Variants in ARHGEF3 observed in about 807,000 individuals in gnomAD.
ARHGEF3 encodes the protein Rho guanine nucleotide exchange factor 3, also known as 59.8 kDA protein.
Under a neutral mutation model 63.2 loss-of-function variants are expected in ARHGEF3, and 28 were observed. That is an observed-to-expected ratio of 0.44 (90% confidence interval 0.33 to 0.61). The LOEUF is 0.61. Ranked by LOEUF, ARHGEF3 falls within the 20% of genes least tolerant of loss-of-function variation. ARHGEF3 has a pLI of 0.03. For missense variants in ARHGEF3, 533 were observed against 659.3 expected, an observed-to-expected ratio of 0.81 and a Z score of 2.10; for synonymous variants, 266 against 254.2, an observed-to-expected ratio of 1.05 and a Z score of -0.44.
At chr3:56,993,243 C>T (rs1166541169) in intron 2 of ARHGEF3, among the ~76,000 whole-genome samples, 1 of 152,238 alleles carries the variant, frequency 6.6e-6, no homozygotes, top group African/African-American at 2.4e-5. Flanking sequence ...TAAATCAACT[C>T]CTAGTTCAAG....
intron 3 of ARHGEF3, among the ~76,000 whole-genome samples, chr3:56,927,184 T>C (rs757120693): frequency 3.3e-5 from 5 of 152,168 alleles, no homozygotes; most frequent in Non-Finnish European, 4.4e-5. Flanking sequence ...ATGGGAACAG[T>C]AAGAGGACCC....
intron 2 of ARHGEF3, among the ~76,000 whole-genome samples, chr3:56,967,866 A>AT (rs1297703482): frequency 4.1e-5 from 3 of 72,676 alleles, no homozygotes; most frequent in East Asian, 4.5e-4. Flanking sequence ...ATAATGACAT[A>AT]TATAATATAT....
chr3:56,968,756 TA>T (rs1700778988), intron 2 of ARHGEF3, among the ~76,000 whole-genome samples: 2 of 152,206 alleles, frequency 1.3e-5, no homozygotes, highest in South Asian at 4.1e-4. Context: ...AGAGATACTT[TA>T]TTTTTTTTCA....
chr3:57,056,183 C>T (rs1050617307), intron 1 of ARHGEF3, among the ~76,000 whole-genome samples: 5 of 151,766 alleles, frequency 3.3e-5, no homozygotes, highest in African/African-American at 9.7e-5. Flanking sequence ...ATCAGAAGAT[C>T]GAGACCATCC....
At chr3:56,979,968 C>A (rs1701263738) in intron 2 of ARHGEF3, among the ~76,000 whole-genome samples, 1 of 152,192 alleles carries the variant, frequency 6.6e-6, no homozygotes, top group South Asian at 2.1e-4. Context: ...TGCGTGGGTT[C>A]TGATCACACA....
intron 1 of ARHGEF3, among the ~76,000 whole-genome samples, chr3:56,789,820 C>CT (rs1477733886): frequency 1.3e-5 from 2 of 152,084 alleles, no homozygotes; most frequent in African/African-American, 4.8e-5. Context: ...CAGAAACTAA[C>CT]TTTAAAAAAT....
rs553025900 is a variant in ARHGEF3 at position 56,918,092 on chromosome 3, C to T, written c.130-35738G>A. Among the ~76,000 whole-genome samples the T allele has an allele frequency of 3.8e-3, 571 of 152,232 alleles. 2 individuals are homozygous for T. The highest frequency in any genetic ancestry group is 0.012 in the African/African-American group (509 of 41,522). On this transcript the variant is annotated intron_variant, in intron 3 of 12. Coordinates refer to the ARHGEF3 transcript ENST00000338458. The stretch of plus-strand genomic sequence containing the variant: ...GGGGTAAGGGCAGGTATTCCTAAGG[C>T]GTCTTGTTCCAGCCTCCTACACAGG...
intron 1 of ARHGEF3, chr3:56,775,208 T>C (rs901991740): frequency 6.2e-6 from 9 of 1,450,768 alleles, no homozygotes; most frequent in African/African-American, 1.4e-5. Flanking sequence ...CTCCAGGATA[T>C]TTCTGCATCC....
chr3:56,901,850 T>G (rs558315882), intron 3 of ARHGEF3, among the ~76,000 whole-genome samples: 4 of 152,312 alleles, frequency 2.6e-5, no homozygotes, highest in African/African-American at 7.2e-5. Context: ...TATGTGTATT[T>G]CTGCTTAACG....
At chr3:56,911,528 G>A (rs1171873001) in intron 3 of ARHGEF3, among the ~76,000 whole-genome samples, 2 of 151,968 alleles carry the variant, frequency 1.3e-5, no homozygotes, top group African/African-American at 4.8e-5. Flanking sequence ...GTGAACAGCT[G>A]GGGTCACCAC....
intron 4 of ARHGEF3, among the ~76,000 whole-genome samples, chr3:56,877,158 AT>A (rs1221289027): frequency 2.0e-5 from 3 of 152,170 alleles, no homozygotes; most frequent in Non-Finnish European, 4.4e-5. Flanking sequence ...TTACACAAAC[AT>A]GTTCCTGGAT....
intron 2 of ARHGEF3, among the ~76,000 whole-genome samples, chr3:57,027,788 G>C (rs879505965): frequency 6.6e-6 from 1 of 152,126 alleles, no homozygotes; most frequent in Non-Finnish European, 1.5e-5. Flanking sequence ...GAACCTGGGA[G>C]GTGGAGGTTG....
intron 1 of ARHGEF3, among the ~76,000 whole-genome samples, chr3:57,069,737 G>T (rs9311640): frequency 0.87 from 132,568 of 152,186 alleles, 57,789 homozygotes; most frequent in East Asian, 0.96. Context: ...GTCAAACAAC[G>T]GGGCTCAAGC....
intron 7 of ARHGEF3, among the ~76,000 whole-genome samples, chr3:56,741,227 C>A (rs1462150995): frequency 1.4e-5 from 2 of 139,146 alleles, no homozygotes; most frequent in Non-Finnish European, 3.0e-5. Context: ...CTCTTGTTGC[C>A]CAGGCTAGAG....
intron 3 of ARHGEF3, among the ~76,000 whole-genome samples, chr3:56,947,866 A>G (rs1699597045): frequency 6.6e-6 from 1 of 152,212 alleles, no homozygotes; most frequent in African/African-American, 2.4e-5. Flanking sequence ...AAAATTGACC[A>G]CATAGTTGGA....
chr3:56,799,809 T>C (rs1241126068), intron 1 of ARHGEF3, among the ~76,000 whole-genome samples: 3 of 152,230 alleles, frequency 2.0e-5, no homozygotes, highest in African/African-American at 4.8e-5. Context: ...AGCTAAAAGA[T>C]ATCTCTGCCT....
chr3:56,896,765 G>C (rs1371443617), intron 3 of ARHGEF3, among the ~76,000 whole-genome samples: 1 of 152,194 alleles, frequency 6.6e-6, no homozygotes, highest in African/African-American at 2.4e-5. Flanking sequence ...AGAGTAATAA[G>C]AGAATATTTT....
At chr3:56,797,419 T>A (rs1000582835) in intron 1 of ARHGEF3, among the ~76,000 whole-genome samples, 1 of 152,198 alleles carries the variant, frequency 6.6e-6, no homozygotes, top group Non-Finnish European at 1.5e-5. Context: ...GATGGCCTTT[T>A]TCTGGGTAGC....
At chr3:56,966,200 G>C (rs1700487873) in intron 2 of ARHGEF3, among the ~76,000 whole-genome samples, 1 of 152,178 alleles carries the variant, frequency 6.6e-6, no homozygotes, top group South Asian at 2.1e-4. Flanking sequence ...GGAAGGTATA[G>C]GGCCTGGGTT....
Sources: allele counts gnomAD v4.1 joint callset (sites outside exome capture counted in the v4.1 genomes callset), GRCh38; gene constraint gnomAD v4.1.1; transcripts MANE v1.5; gene names NCBI Gene and HGNC (gene_info 2026-07-23, HGNC 2026-07-21).